ATP6V1A: variants seen among roughly 807,000 people sequenced by gnomAD.
ATP6V1A encodes the protein V-type proton ATPase catalytic subunit A.
In ATP6V1A, 18 loss-of-function variants were observed where a neutral mutation model predicts 70.1. That is an observed-to-expected ratio of 0.26 (90% CI 0.18 to 0.38). The LOEUF is 0.38. Among genes scored for constraint, ATP6V1A ranks in the 10% least tolerant of loss-of-function variants. The probability of loss-of-function intolerance (pLI) is 1.00; values close to 1 mark genes in which losing one functional copy is unlikely to be tolerated. For missense variants in ATP6V1A, 424 were observed against 772.4 expected (o/e 0.55, Z 5.35); for synonymous variants, 232 against 253.8 (o/e 0.91, Z 0.82).
chr3:113,764,979 C>A (rs1338069801), intron 1 of ATP6V1A, among the ~76,000 whole-genome samples: 1 of 149,224 alleles, frequency 6.7e-6, no homozygotes, highest in African/African-American at 2.5e-5. Context: ...TAAAGCCAGA[C>A]CCAGACCCTG....
At chr3:113,764,361 A>G (rs1216669952) in intron 1 of ATP6V1A, among the ~76,000 whole-genome samples, 4 of 152,226 alleles carry the variant, frequency 2.6e-5, no homozygotes, top group Non-Finnish European at 5.9e-5. Flanking sequence ...ATGGAATAGT[A>G]TACAGTTTAA....
intron 12 of ATP6V1A, among the ~76,000 whole-genome samples, chr3:113,803,052 T>G (rs1709232945): frequency 6.8e-6 from 1 of 147,886 alleles, no homozygotes; most frequent in South Asian, 2.1e-4. Context: ...CAAAATGTGG[T>G]ATATATATAT....
intron 8 of ATP6V1A, among the ~76,000 whole-genome samples, chr3:113,791,409 T>TA (rs531270805): frequency 2.7e-5 from 4 of 146,562 alleles, no homozygotes; most frequent in Admixed American, 6.8e-5. Flanking sequence ...TTTTTTTTTT[T>TA]AACTGTGGTC....
chr3:113,801,918 C>T (rs200192322), intron 12 of ATP6V1A, among the ~76,000 whole-genome samples: 3 of 73,892 alleles, frequency 4.1e-5, no homozygotes. Flanking sequence ...AAGGGATTTA[C>T]AAAAAAAAAA....
intron 12 of ATP6V1A, among the ~76,000 whole-genome samples, chr3:113,798,915 G>T (rs2108041143): frequency 6.6e-6 from 1 of 152,314 alleles, no homozygotes; most frequent in South Asian, 2.1e-4. Flanking sequence ...TGCAATGCTA[G>T]TTAGTACTCA....
At chr3:113,784,526 T>C (rs1457458844) in intron 4 of ATP6V1A, 88 bp downstream of exon 4, 2 of 1,412,656 alleles carry the variant, frequency 1.4e-6, no homozygotes, top group African/African-American at 2.9e-5. Flanking sequence ...TTAGTCCAAA[T>C]AAAAATAGAC....
chr3:113,778,016 A>G (rs955888832), intron 1 of ATP6V1A, among the ~76,000 whole-genome samples: 1 of 152,178 alleles, frequency 6.6e-6, no homozygotes, highest in Non-Finnish European at 1.5e-5. Context: ...GATATTTCCT[A>G]TGAAATACCT....
chr3:113,795,285 AAG>A (rs1176876432), intron 10 of ATP6V1A, 81 bp downstream of exon 10: 3 of 1,435,724 alleles, frequency 2.1e-6, no homozygotes, highest in South Asian at 1.3e-5. Flanking sequence ...ACTTATTTTA[AAG>A]AGAGAATATT....
intron 1 of ATP6V1A, among the ~76,000 whole-genome samples, chr3:113,775,780 A>G (rs1208330919): frequency 6.6e-6 from 1 of 152,170 alleles, no homozygotes; most frequent in Non-Finnish European, 1.5e-5. Context: ...GTGGGGAGGA[A>G]CTTAGACTGT....
chr3:113,771,587 G>C (rs926520967), intron 1 of ATP6V1A, among the ~76,000 whole-genome samples: 2 of 151,838 alleles, frequency 1.3e-5, no homozygotes, highest in African/African-American at 2.4e-5. Context: ...ACAGGTGCCT[G>C]CCACCACACC....
At chr3:113,808,087 A>C (rs962493229) in intron 14 of ATP6V1A, among the ~76,000 whole-genome samples, 121 of 150,530 alleles carry the variant, frequency 8.0e-4, no homozygotes, top group Non-Finnish European at 1.6e-3. Context: ...CTGAGATCAC[A>C]CCATTGCACT....
chr3:113,773,171 C>T (rs936785129), intron 1 of ATP6V1A, among the ~76,000 whole-genome samples: 1 of 151,918 alleles, frequency 6.6e-6, no homozygotes, highest in African/African-American at 2.4e-5. Context: ...AACTCCTGAC[C>T]TCGTGATCCA....
intron 13 of ATP6V1A, 69 bp from the exon 14 acceptor site, chr3:113,805,285 T>C (rs541505103): frequency 2.7e-6 from 4 of 1,455,064 alleles, no homozygotes; most frequent in Middle Eastern, 1.8e-4. Flanking sequence ...GCTCTAGTAG[T>C]TTTATATAAA....
intron 8 of ATP6V1A, 79 bp from the exon 9 acceptor site, chr3:113,794,793 A>C (rs1376900750): frequency 1.3e-6 from 2 of 1,485,872 alleles, no homozygotes; most frequent in Non-Finnish European, 1.8e-6. Flanking sequence ...TATTGCTTTA[A>C]GGTTTTCTTA....
At chr3:113,748,153 TG>T (rs2108002398) in intron 1 of ATP6V1A, among the ~76,000 whole-genome samples, 1 of 152,308 alleles carries the variant, frequency 6.6e-6, no homozygotes, top group African/African-American at 2.4e-5. Flanking sequence ...AAACTCCCGG[TG>T]CCCTCTTCAG....
intron 1 of ATP6V1A, among the ~76,000 whole-genome samples, chr3:113,766,595 C>G (rs1277470408): frequency 6.6e-6 from 1 of 152,086 alleles, no homozygotes; most frequent in African/African-American, 2.4e-5. Flanking sequence ...GCATCCAGCT[C>G]AGAGATCATC....
At chr3:113,796,485 C>T (rs1709154442) in intron 11 of ATP6V1A, among the ~76,000 whole-genome samples, 1 of 152,222 alleles carries the variant, frequency 6.6e-6, no homozygotes, top group Non-Finnish European at 1.5e-5. Flanking sequence ...TCACTCCACT[C>T]ATTCTATTAG....
At chr3:113,755,455 G>A (rs558276775) in intron 1 of ATP6V1A, among the ~76,000 whole-genome samples, 2,012 of 150,140 alleles carry the variant, frequency 0.013, 59 homozygotes, top group African/African-American at 0.047. Flanking sequence ...AAAAAAATTA[G>A]CCAGGCGTGG....
Position 113,805,469 on chromosome 3 carries a change from A to C in ATP6V1A, c.1705A>C (p.Ile569Leu). Reference protein sequence around the residue: ...AQSDNKITWSIIREHMGDILY... With the variant: ...AQSDNKITWSLIREHMGDILY... ...GAGTGACAATAAAATCACATGGTCC[A>C]TTATTCGTGAGCACATGGGAGACAT... The change falls in exon 14 of 15, where the codon ATT becomes CTT. Residue 569 changes from isoleucine to leucine, a missense_variant. By Grantham distance (5) the Ile-to-Leu change is conservative. Coordinates refer to ENST00000273398, the MANE Select transcript of ATP6V1A (RefSeq NM_001690.4). 1 of 1,614,046 alleles carries C rather than the reference A, an allele frequency of 6.2e-7. No individual in the cohort carries two copies. The highest frequency in any genetic ancestry group is 8.5e-7 in the Non-Finnish European group (1 of 1,179,866).
Sources: gnomAD v4.1 joint callset for allele counts (sites outside exome capture counted in the v4.1 genomes callset) on GRCh38, gnomAD v4.1.1 for gene constraint, MANE v1.5 for transcripts, NCBI Gene and HGNC (gene_info 2026-07-23, HGNC 2026-07-21) for gene names.